Variants in GALNTL6 observed in about 807,000 individuals in gnomAD.
The protein encoded by GALNTL6 is polypeptide N-acetylgalactosaminyltransferase-like 6.
A neutral mutation model predicts 73.7 loss-of-function variants in GALNTL6; 46 were observed. The observed-to-expected ratio is 0.62, with a 90% CI of 0.49 to 0.80. The LOEUF is 0.80. Ranked by LOEUF, GALNTL6 falls within the 30% of genes least tolerant of loss-of-function variation. The pLI, the probability that GALNTL6 is intolerant of heterozygous loss-of-function variation, is 0.00. For missense variants in GALNTL6, 604 were observed against 755.0 expected (o/e 0.80, Z 2.34); for synonymous variants, 259 against 263.7 (o/e 0.98, Z 0.17).
chr4:172,214,065 C>G (rs1293412350), intron 2 of GALNTL6, among the ~76,000 whole-genome samples: 1 of 152,170 alleles, frequency 6.6e-6, no homozygotes, highest in East Asian at 1.9e-4. Context: ...TCTCCTTTCT[C>G]CACTGACTTG....
intron 7 of GALNTL6, among the ~76,000 whole-genome samples, chr4:172,865,041 G>T (rs1253528877): frequency 6.6e-6 from 1 of 152,148 alleles, no homozygotes; most frequent in Non-Finnish European, 1.5e-5. Flanking sequence ...AAGAAGTTGA[G>T]AAACTATTAA....
intron 5 of GALNTL6, among the ~76,000 whole-genome samples, chr4:172,383,551 G>A (rs533256472): frequency 2.0e-5 from 3 of 152,044 alleles, no homozygotes; most frequent in African/African-American, 7.2e-5. Context: ...GAGTCGTCAC[G>A]ATTTTGCCTC....
intron 2 of GALNTL6, among the ~76,000 whole-genome samples, chr4:172,034,203 C>G (rs72984523): frequency 6.6e-6 from 1 of 152,014 alleles, no homozygotes; most frequent in African/African-American, 2.4e-5. Context: ...CCTGACTAAC[C>G]TCCCCTGTGC....
Position 172,910,750 on chromosome 4 carries a change from G to A in GALNTL6, c.1042-20411G>A, listed in dbSNP as rs116128135. ...TAGGAAATCCCTGAGCAAAGAGAAT[G>A]AGCGATTTGTTGAATAGTGTTCTCT... On this transcript the variant is annotated intron_variant, in intron 8 of 12. Transcript: ENST00000506823. 2.1e-3 allele frequency among the ~76,000 whole-genome samples: 322 copies of A among 152,292 alleles called. 2 individuals are homozygous for A. The highest frequency in any genetic ancestry group is 7.3e-3 in the African/African-American group (303 of 41,562).
At chr4:172,606,576 G>A (rs1257548627) in intron 5 of GALNTL6, among the ~76,000 whole-genome samples, 1 of 134,370 alleles carries the variant, frequency 7.4e-6, no homozygotes, top group Admixed American at 7.7e-5. Flanking sequence ...CATATACATA[G>A]TATATGTATA....
At chr4:172,402,129 C>T (rs1744065198) in intron 5 of GALNTL6, among the ~76,000 whole-genome samples, 2 of 152,062 alleles carry the variant, frequency 1.3e-5, no homozygotes, top group Non-Finnish European at 2.9e-5. Context: ...ATAAATGCTA[C>T]TATTTCATTT....
intron 2 of GALNTL6, among the ~76,000 whole-genome samples, chr4:172,154,570 G>A (rs1734198345): frequency 1.3e-5 from 2 of 152,156 alleles, no homozygotes; most frequent in African/African-American, 4.8e-5. Flanking sequence ...TCTTTTGAAT[G>A]ATGACTTGCT....
intron 5 of GALNTL6, among the ~76,000 whole-genome samples, chr4:172,368,385 CAAAT>C (rs1028264791): frequency 2.0e-5 from 3 of 151,870 alleles, no homozygotes; most frequent in Admixed American, 2.0e-4. Context: ...CATCTCAAAA[CAAAT>C]AACAACAACA....
chr4:172,574,937 C>T (rs1012360093), intron 5 of GALNTL6, among the ~76,000 whole-genome samples: 11 of 34,082 alleles, frequency 3.2e-4, no homozygotes, highest in Non-Finnish European at 6.3e-4. Context: ...CACACGCACA[C>T]ATACACACAC....
intron 2 of GALNTL6, among the ~76,000 whole-genome samples, chr4:172,040,736 A>G (rs2110838922): frequency 6.6e-6 from 1 of 152,202 alleles, no homozygotes; most frequent in South Asian, 2.1e-4. Context: ...AGGTTAGGTG[A>G]CAAACTGGAA....
At chr4:172,925,536 A>C in intron 8 of GALNTL6, among the ~76,000 whole-genome samples, 1 of 152,232 alleles carries the variant, frequency 6.6e-6, no homozygotes, top group Non-Finnish European at 1.5e-5. Context: ...GGTAGGCCTC[A>C]TCTAGTCACA....
At chr4:172,237,635 T>C (rs1737285178) in intron 3 of GALNTL6, among the ~76,000 whole-genome samples, 2 of 152,194 alleles carry the variant, frequency 1.3e-5, no homozygotes, top group South Asian at 4.1e-4. Flanking sequence ...GCAGTTTTTT[T>C]TGATGTCTTC....
intron 2 of GALNTL6, among the ~76,000 whole-genome samples, chr4:172,033,326 C>T (rs965464): frequency 0.88 from 133,648 of 151,982 alleles, 58,819 homozygotes; most frequent in South Asian, 0.92. Context: ...ATATAAATAT[C>T]GTAGTATTTT....
intron 3 of GALNTL6, among the ~76,000 whole-genome samples, chr4:172,289,586 T>C (rs1011798010): frequency 6.6e-6 from 1 of 152,330 alleles, no homozygotes; most frequent in East Asian, 1.9e-4. Flanking sequence ...CCTACTCTTT[T>C]GACATTCTCA....
At chr4:172,340,318 AC>A (rs1741517022) in intron 4 of GALNTL6, among the ~76,000 whole-genome samples, 1 of 152,008 alleles carries the variant, frequency 6.6e-6, no homozygotes, top group Non-Finnish European at 1.5e-5. Flanking sequence ...ATATTGAACC[AC>A]CCTTGCATCC....
intron 5 of GALNTL6, among the ~76,000 whole-genome samples, chr4:172,522,447 G>A (rs1008609124): frequency 6.6e-6 from 1 of 152,100 alleles, no homozygotes; most frequent in African/African-American, 2.4e-5. Context: ...GAAGGGGGCG[G>A]ATCACCTGAG....
intron 5 of GALNTL6, among the ~76,000 whole-genome samples, chr4:172,464,422 A>G (rs1411785064): frequency 1.3e-5 from 2 of 152,088 alleles, no homozygotes; most frequent in Non-Finnish European, 2.9e-5. Context: ...TTCAAGCCGA[A>G]TGAGGCCAGG....
At chr4:172,636,520 G>C (rs759745359) in intron 5 of GALNTL6, among the ~76,000 whole-genome samples, 1 of 152,128 alleles carries the variant, frequency 6.6e-6, no homozygotes, top group Non-Finnish European at 1.5e-5. Flanking sequence ...GGAGGGTCAG[G>C]GCAGAGAAGG....
chr4:173,031,792 T>A (rs190221758), intron 12 of GALNTL6, among the ~76,000 whole-genome samples: 1 of 152,298 alleles, frequency 6.6e-6, no homozygotes, highest in African/African-American at 2.4e-5. Context: ...ACTTACGGGC[T>A]TATTCTACTC....
Sources: allele counts gnomAD v4.1 joint callset (sites outside exome capture counted in the v4.1 genomes callset), GRCh38; gene constraint gnomAD v4.1.1; transcripts MANE v1.5; gene names NCBI Gene and HGNC (gene_info 2026-07-23, HGNC 2026-07-21).